The following LRRC7 variants were observed in gnomAD, a reference collection of about 807,000 sequenced individuals.
LRRC7 encodes the protein leucine-rich repeat-containing protein 7.
A neutral mutation model predicts 175.7 loss-of-function variants in LRRC7; 23 were observed. That is an observed-to-expected ratio of 0.13 (90% confidence interval 0.09 to 0.19). The LOEUF is 0.19. Among genes scored for constraint, LRRC7 ranks in the 10% least tolerant of loss-of-function variants. LRRC7 has a pLI of 1.00. For synonymous variants in LRRC7, 685 were observed against 680.9 expected, an observed-to-expected ratio of 1.01 and a Z score of -0.09; for missense variants, 1,354 against 1,904.7, an observed-to-expected ratio of 0.71 and a Z score of 5.38.
At chr1:69,976,619 C>T (rs555773635) in intron 8 of LRRC7, among the ~76,000 whole-genome samples, 51 of 152,188 alleles carry the variant, frequency 3.4e-4, no homozygotes, top group Non-Finnish European at 6.3e-4. Flanking sequence ...TGGGTATCCT[C>T]GATCTCTTAT....
intron 8 of LRRC7, among the ~76,000 whole-genome samples, chr1:69,969,140 A>G (rs1456164599): frequency 6.6e-6 from 1 of 152,102 alleles, no homozygotes; most frequent in East Asian, 1.9e-4. Flanking sequence ...ATCTTGAAAC[A>G]AATCTTGGAA....
chr1:69,663,546 G>T (rs1012703529), intron 1 of LRRC7, among the ~76,000 whole-genome samples: 2 of 151,864 alleles, frequency 1.3e-5, no homozygotes, highest in Middle Eastern at 3.4e-3. Context: ...TCACTCTATT[G>T]TACTAGCAAA....
intron 1 of LRRC7, 105 bp downstream of exon 1, chr1:69,568,746 G>A (rs1645604390): frequency 2.6e-6 from 2 of 775,982 alleles, no homozygotes; most frequent in Non-Finnish European, 3.4e-6. Context: ...CCGGGGGCGG[G>A]GGTGGCAGGG....
At chr1:69,814,558 A>G (rs1490946408) in intron 4 of LRRC7, among the ~76,000 whole-genome samples, 1 of 152,204 alleles carries the variant, frequency 6.6e-6, no homozygotes. Context: ...TTCAAATATT[A>G]TAATGCCATC....
intron 7 of LRRC7, among the ~76,000 whole-genome samples, chr1:69,915,468 T>A (rs1646657225): frequency 6.6e-6 from 1 of 152,154 alleles, no homozygotes; most frequent in Non-Finnish European, 1.5e-5. Context: ...TCTGGCAAAG[T>A]GTGCTTCTAG....
chr1:69,843,215 A>C (rs1177590834), intron 7 of LRRC7, among the ~76,000 whole-genome samples: 2 of 148,652 alleles, frequency 1.3e-5, no homozygotes, highest in Non-Finnish European at 1.5e-5. Flanking sequence ...AAACAACAAC[A>C]AAAAAAAAAC....
intron 8 of LRRC7, among the ~76,000 whole-genome samples, chr1:69,947,921 T>A (rs1649512010): frequency 6.6e-6 from 1 of 152,168 alleles, no homozygotes. Context: ...GATCTCTCTC[T>A]CTCTCCCCCT....
rs1338834080 is a variant in LRRC7 at position 70,038,822 on chromosome 1, A to G, written c.2998A>G (p.Asn1000Asp). 1.2e-6 allele frequency: 2 copies of G among 1,614,002 alleles called. No homozygotes were observed. The highest frequency in any genetic ancestry group is 8.5e-7 in the Non-Finnish European group (1 of 1,180,010). The part of the protein sequence containing the change: ...EIDIGTYKVY[N>D]IPLENYASGS... ...TGACATTGGTACATATAAGGTGTAT[A>G]ACATACCATTAGAAAACTATGCTTC... Residue 1000 changes from asparagine to aspartate, a missense_variant, in exon 21 of 27, where the codon AAC (asparagine) becomes GAC (aspartate). Around this residue, in one of 4 missense-constraint regions of LRRC7, gnomAD observed 1,032 missense variants for 1,227.2 expected, o/e 0.84. Transcript: ENST00000651989.
At chr1:70,087,612 A>G (rs911301226) in intron 24 of LRRC7, among the ~76,000 whole-genome samples, 6 of 152,168 alleles carry the variant, frequency 3.9e-5, no homozygotes, top group African/African-American at 1.2e-4. Flanking sequence ...TAAAAATACA[A>G]AGTATTATAA....
At position 69,617,547 on chromosome 1, in the gene LRRC7, T is replaced by TAAAAAAAAAAAA. The variant is rs11473590; in HGVS notation, c.2+48920_2+48931dup. 6.4e-3 allele frequency among the ~76,000 whole-genome samples: 396 copies of TAAAAAAAAAAAA among 61,984 alleles called. 33 individuals carry two copies. Among genetic ancestry groups the TAAAAAAAAAAAA allele is most frequent in the African/African-American group, 0.015 (250 of 16,436 alleles). The allele number at this position is 61,984 out of a possible 152,430, so 40.7% of individuals were successfully genotyped here. On this transcript the variant is annotated intron_variant, in intron 1 of 26. Coordinates refer to ENST00000651989, the MANE Select transcript of LRRC7 (RefSeq NM_001370785.2). ...GCTGAAGGTTGTTATATACTCACAG[T>TAAAAAAAAAAAA]AAAAAAAAAAAAAAAAAAAAAAAAA...
intron 20 of LRRC7, 37 bp from the exon 21 acceptor site, chr1:70,038,076 C>A (rs368094990): frequency 6.4e-7 from 1 of 1,552,052 alleles, no homozygotes; most frequent in South Asian, 1.3e-5. Context: ...CCCAACTCTT[C>A]GTCCTTTTCA....
intron 10 of LRRC7, among the ~76,000 whole-genome samples, chr1:69,994,011 C>T (rs1050174490): frequency 1.3e-5 from 2 of 152,058 alleles, no homozygotes; most frequent in African/African-American, 2.4e-5. Flanking sequence ...AGTTTTTGTG[C>T]TTATTGCTGA....
At chr1:70,018,678 T>C in intron 14 of LRRC7, 41 bp from the exon 15 acceptor site, 1 of 1,384,324 alleles carries the variant, frequency 7.2e-7, no homozygotes, top group Non-Finnish European at 1.0e-6. Context: ...GTTATATATT[T>C]GCAATTGTAT....
intron 24 of LRRC7, among the ~76,000 whole-genome samples, chr1:70,085,785 T>C (rs566998609): frequency 6.6e-6 from 1 of 152,318 alleles, no homozygotes; most frequent in Non-Finnish European, 1.5e-5. Flanking sequence ...TCCCACTATC[T>C]GAAATTACTT....
At chr1:70,042,502 A>C (rs1455934651) in intron 21 of LRRC7, among the ~76,000 whole-genome samples, 1 of 152,204 alleles carries the variant, frequency 6.6e-6, no homozygotes, top group Non-Finnish European at 1.5e-5. Context: ...ATGTTGGTGA[A>C]AGATCTAAGT....
rs959948044 is a variant in LRRC7 at position 69,840,672 on chromosome 1, T to C, written c.647+2389T>C. On this transcript the variant is annotated intron_variant, in intron 7 of 26. Transcript: ENST00000651989. ...TTCAGTTACAAAAACAAATTAGTAT[T>C]ATAAGTTTCCTTATAATGTTTATGA... Among the ~76,000 whole-genome samples, 53 of 152,080 alleles carry C rather than the reference T, an allele frequency of 3.5e-4. 1 individual carries two copies. Among genetic ancestry groups the C allele is most frequent in the Non-Finnish European group, 1.0e-4 (7 of 67,994 alleles).
At chr1:70,108,808 C>G (rs904412618) in intron 26 of LRRC7, among the ~76,000 whole-genome samples, 3 of 152,196 alleles carry the variant, frequency 2.0e-5, no homozygotes, top group African/African-American at 7.2e-5. Flanking sequence ...CTTAGATCAA[C>G]TATACAAACA....
chr1:70,083,469 T>C (rs900620873), intron 24 of LRRC7, among the ~76,000 whole-genome samples: 2 of 152,190 alleles, frequency 1.3e-5, no homozygotes, highest in African/African-American at 4.8e-5. Flanking sequence ...TTAATTTACA[T>C]ACCATGAAGC....
intron 25 of LRRC7, among the ~76,000 whole-genome samples, chr1:70,100,039 C>CT (rs1242101004): frequency 2.0e-5 from 3 of 152,022 alleles, no homozygotes; most frequent in Admixed American, 6.6e-5. Flanking sequence ...AAGAATTTCA[C>CT]TAAGAAATAA....
Sources: allele counts gnomAD v4.1 joint callset (sites outside exome capture counted in the v4.1 genomes callset), GRCh38; gene constraint gnomAD v4.1.1; regional missense constraint gnomAD v4.1.1; transcripts MANE v1.5; gene names NCBI Gene and HGNC (gene_info 2026-07-23, HGNC 2026-07-21).